ATP9B: variants seen among roughly 807,000 people sequenced by gnomAD.
ATP9B encodes ATPase phospholipid transporting 9B.
A neutral mutation model predicts 146.1 loss-of-function variants in ATP9B; 110 were observed. The observed-to-expected ratio is 0.75, with a 90% confidence interval of 0.65 to 0.88. The LOEUF (loss-of-function observed/expected upper bound fraction) is 0.88, where lower values mean the gene tolerates loss of function less well. Ranked by LOEUF, ATP9B falls within the 40% of genes least tolerant of loss-of-function variation. The pLI is 0.00. For missense variants in ATP9B, 1,499 were observed against 1,496.4 expected, an observed-to-expected ratio of 1.00 and a Z score of -0.03; for synonymous variants, 604 against 569.7, an observed-to-expected ratio of 1.06 and a Z score of -0.86.
chr18:79,344,485 T>C (rs951926089), intron 21 of ATP9B, 131 bp downstream of exon 21: 4 of 823,420 alleles, frequency 4.9e-6, no homozygotes, highest in African/African-American at 1.7e-5. Context: ...TGTCTGTCTG[T>C]CTGTGTCTCT....
At chr18:79,192,507 C>T (rs2095377311) in intron 8 of ATP9B, among the ~76,000 whole-genome samples, 1 of 152,200 alleles carries the variant, frequency 6.6e-6, no homozygotes, top group Non-Finnish European at 1.5e-5. Flanking sequence ...AGACCAGGCT[C>T]AGCCTTGCCT....
In ATP9B at chr18:79,350,079, G is replaced by A. The variant is rs181699113; in HGVS notation, c.2903+1883G>A. On this transcript the variant is annotated intron_variant, in intron 25 of 29. Transcript: ENST00000426216. ...TTTCAGAGGAGGGCCAGACTCTGGC[G>A]GATTCTAGGCCCCCCACCCCAAGCC... Among the ~76,000 whole-genome samples, 205 of 152,270 alleles carry A rather than the reference G, an allele frequency of 1.3e-3. 1 individual carries two copies. Among genetic ancestry groups the A allele is most frequent in the Non-Finnish European group, 2.1e-3 (146 of 68,026 alleles).
At chr18:79,303,403 T>A (rs1461491642) in intron 13 of ATP9B, among the ~76,000 whole-genome samples, 1 of 151,892 alleles carries the variant, frequency 6.6e-6, no homozygotes, top group Non-Finnish European at 1.5e-5. Flanking sequence ...TACCTTGACA[T>A]GCTAGGGAGA....
At chr18:79,359,237 G>C in intron 25 of ATP9B, 117 bp from the exon 26 acceptor site, 1 of 716,940 alleles carries the variant, frequency 1.4e-6, no homozygotes, top group Non-Finnish European at 2.3e-6. Context: ...TACTTTGTTG[G>C]TTTTTGTGGA....
chr18:79,120,284 C>A lies in ATP9B; in HGVS notation c.559-5983C>A, dbSNP rs376631859. On this transcript the variant is annotated intron_variant, in intron 4 of 29. Transcript: ENST00000426216. ...TTTCCAGATTTCTTCTAGCCAAAAT[C>A]CTGCCTCTGAGGCATAAAACCATTT... 2.0e-5 allele frequency among the ~76,000 whole-genome samples: 3 copies of A among 152,288 alleles called. No individual in the cohort carries two copies. The East Asian group carries it at 5.8e-4, about 29-fold the overall frequency.
intron 25 of ATP9B, chr18:79,352,641 G>A (rs187472484): frequency 6.6e-6 from 1 of 150,554 alleles, no homozygotes; most frequent in Admixed American, 6.6e-5. Flanking sequence ...TCAACAGCCA[G>A]AGGGCCTCGA....
intron 4 of ATP9B, chr18:79,115,393 CT>C (rs1228278425): frequency 7.3e-6 from 1 of 137,154 alleles, no homozygotes; most frequent in Non-Finnish European, 1.5e-5. Flanking sequence ...CTACCAATGA[CT>C]TTCTTCACAG....
chr18:79,161,708 T>C (rs1173851504), intron 7 of ATP9B, among the ~76,000 whole-genome samples: 1 of 151,900 alleles, frequency 6.6e-6, no homozygotes, highest in Non-Finnish European at 1.5e-5. Context: ...TTTGCCGGCG[T>C]GGTGGCGGGC....
chr18:79,097,876 A>C (rs62101096), intron 2 of ATP9B, among the ~76,000 whole-genome samples: 17,480 of 149,692 alleles, frequency 0.12, 1,188 homozygotes, highest in Non-Finnish European at 0.16. Flanking sequence ...ATTTATAGTC[A>C]TTTGGGTATA....
intron 15 of ATP9B, among the ~76,000 whole-genome samples, chr18:79,327,505 T>TCTCTCCATGGTTAGCGTG (rs1568696485): frequency 1.7e-5 from 2 of 120,356 alleles, no homozygotes. Flanking sequence ...GTTAGTGTGC[T>TCTCTCCATGGTTAGCGTG]CTCTCCATGG....
intron 8 of ATP9B, among the ~76,000 whole-genome samples, chr18:79,183,198 A>G (rs995520853): frequency 6.6e-6 from 1 of 152,170 alleles, no homozygotes. Context: ...TTAGCTGCAT[A>G]GTTTCTGACA....
chr18:79,092,384 C>T (rs2074398721), intron 1 of ATP9B, among the ~76,000 whole-genome samples: 1 of 152,086 alleles, frequency 6.6e-6, no homozygotes, highest in African/African-American at 2.4e-5. Context: ...TGTATCTAAG[C>T]ATACTGAACA....
chr18:79,208,176 C>T (rs2095552646), intron 10 of ATP9B, among the ~76,000 whole-genome samples: 1 of 152,054 alleles, frequency 6.6e-6, no homozygotes, highest in Non-Finnish European at 1.5e-5. Context: ...ACCCGGGAGC[C>T]GGAGCTTGCA....
intron 13 of ATP9B, among the ~76,000 whole-genome samples, chr18:79,282,687 T>C (rs995229061): frequency 2.0e-5 from 3 of 152,222 alleles, no homozygotes; most frequent in African/African-American, 7.2e-5. Flanking sequence ...CTCACTTTGT[T>C]GTGATAGTCA....
Position 79,377,420 on chromosome 18 carries a change from T to A in ATP9B, c.*37T>A. 6.3e-7 allele frequency: 1 copy of A among 1,598,924 alleles called. No homozygotes were observed. The highest frequency in any genetic ancestry group is 8.5e-7 in the Non-Finnish European group (1 of 1,178,148). On this transcript the variant is annotated 3_prime_UTR_variant, in exon 30 of 30. Coordinates refer to ENST00000426216, the MANE Select transcript of ATP9B (RefSeq NM_198531.5). ...CCCCCAGCGGGCTGGCCCCAGCACC[T>A]TCTGCCCTTCCCAGCACCTTGTGCC... is the stretch of plus-strand genomic sequence containing the variant.
chr18:79,192,267 T>G (rs1194122511), intron 8 of ATP9B, among the ~76,000 whole-genome samples: 2 of 152,156 alleles, frequency 1.3e-5, no homozygotes, highest in African/African-American at 4.8e-5. Flanking sequence ...TGACAGAACT[T>G]TATACACTCA....
chr18:79,172,533 G>A (rs181371449), intron 7 of ATP9B, among the ~76,000 whole-genome samples: 78 of 113,938 alleles, frequency 6.8e-4, no homozygotes, highest in African/African-American at 2.5e-3. Flanking sequence ...CTTGCGATCC[G>A]CCTTGGCCTC....
At chr18:79,148,779 C>T (rs567591939) in intron 6 of ATP9B, among the ~76,000 whole-genome samples, 4 of 152,280 alleles carry the variant, frequency 2.6e-5, no homozygotes, top group South Asian at 2.1e-4. Context: ...GACATAACTA[C>T]GTATACATGT....
At chr18:79,221,099 C>T (rs2095672124) in intron 11 of ATP9B, among the ~76,000 whole-genome samples, 1 of 152,222 alleles carries the variant, frequency 6.6e-6, no homozygotes, top group Admixed American at 6.5e-5. Context: ...TTCCCTGACT[C>T]TAGCAGAGGG....
Sources: gnomAD v4.1 joint callset for allele counts (sites outside exome capture counted in the v4.1 genomes callset) on GRCh38, gnomAD v4.1.1 for gene constraint, MANE v1.5 for transcripts, NCBI Gene and HGNC (gene_info 2026-07-23, HGNC 2026-07-21) for gene names.